NETO1: variants seen among roughly 807,000 people sequenced by gnomAD.
NETO1 encodes the protein neuropilin and tolloid like 1, also known as neuropilin and tolloid-like protein 1.
NETO1 carries 26 observed loss-of-function variants against 61.3 expected under a neutral mutation model. The ratio of observed to expected loss-of-function variants is 0.42; its 90% CI spans 0.31 to 0.59. The LOEUF (loss-of-function observed/expected upper bound fraction) is 0.59, where lower values mean the gene tolerates loss of function less well. Ranked by LOEUF, NETO1 falls within the 20% of genes least tolerant of loss-of-function variation. The pLI is 0.12. For synonymous variants in NETO1, 225 were observed against 225.8 expected (o/e 1.00, Z 0.03); for missense variants, 531 against 662.8 (o/e 0.80, Z 2.18).
At chr18:72,838,726 C>T (rs960805647) in intron 4 of NETO1, among the ~76,000 whole-genome samples, 5 of 152,140 alleles carry the variant, frequency 3.3e-5, no homozygotes, top group African/African-American at 4.8e-5. Flanking sequence ...GATAAAAATG[C>T]TTCTACTCTA....
intron 4 of NETO1, among the ~76,000 whole-genome samples, chr18:72,828,149 C>G (rs1337376433): frequency 6.6e-6 from 1 of 152,112 alleles, no homozygotes; most frequent in Non-Finnish European, 1.5e-5. Context: ...CCCGTCTCTA[C>G]TAAATACAAA....
At chr18:72,865,430 TTAAGGAAC>T (rs2074705929) in intron 1 of NETO1, 189 bp from the exon 2 acceptor site, 1 of 1,158,098 alleles carries the variant, frequency 8.6e-7, no homozygotes, top group Admixed American at 2.4e-5. Context: ...TGGGACTCCC[TTAAGGAAC>T]TAATGCAAGT....
chr18:72,792,395 G>A (rs954135263), intron 6 of NETO1, among the ~76,000 whole-genome samples: 5 of 152,016 alleles, frequency 3.3e-5, no homozygotes, highest in Admixed American at 1.3e-4. Context: ...CTCCAGCCTG[G>A]GAGACAGAAT....
At chr18:72,867,122 A>G (rs2074762543) in intron 1 of NETO1, 142 bp downstream of exon 1, 1 of 595,346 alleles carries the variant, frequency 1.7e-6, no homozygotes. Flanking sequence ...CAATACAGAA[A>G]GTTTACGTCG....
Position 72,858,822 on chromosome 18 carries a change from T to A in NETO1, c.469+4A>T, listed in dbSNP as rs751467219. Reference sequence around the variant, plus strand: ...AGAAATTTTTTTTTTAAGTACTTACTTACCAGGTGTGAAATTGTATCGAGC... The same window carrying A: ...AGAAATTTTTTTTTTAAGTACTTACATACCAGGTGTGAAATTGTATCGAGC... On this transcript the variant is annotated splice_donor_region_variant and intron_variant, in intron 4 of 10. Transcript: ENST00000327305. 4 of 1,599,018 alleles carry A rather than the reference T, an allele frequency of 2.5e-6. No homozygotes were observed. The highest frequency in any genetic ancestry group is 4.5e-5 in the East Asian group (2 of 44,734).
At chr18:72,779,803 A>G (rs2071676385) in intron 7 of NETO1, among the ~76,000 whole-genome samples, 2 of 152,226 alleles carry the variant, frequency 1.3e-5, no homozygotes, top group Non-Finnish European at 2.9e-5. Flanking sequence ...ACAGCAAACT[A>G]CAATAAATTA....
intron 6 of NETO1, among the ~76,000 whole-genome samples, chr18:72,784,670 G>C (rs2071854499): frequency 6.6e-6 from 1 of 152,160 alleles, no homozygotes; most frequent in Non-Finnish European, 1.5e-5. Context: ...TCACTTCCTA[G>C]TCCATAATTC....
At chr18:72,760,181 T>A (rs184987503) in intron 7 of NETO1, among the ~76,000 whole-genome samples, 1 of 152,214 alleles carries the variant, frequency 6.6e-6, no homozygotes, top group Non-Finnish European at 1.5e-5. Flanking sequence ...TTTCTATTAA[T>A]GAAGCAAAAT....
chr18:72,779,913 C>G (rs2071681204), intron 7 of NETO1, among the ~76,000 whole-genome samples: 1 of 152,106 alleles, frequency 6.6e-6, no homozygotes, highest in Non-Finnish European at 1.5e-5. Flanking sequence ...TAGGGCCCAT[C>G]TCCTGGTTCA....
At position 72,750,326 on chromosome 18, in the gene NETO1, T is replaced by C. The variant is rs1599079606; in HGVS notation, c.1277A>G (p.Lys426Arg). The C allele has an allele frequency of 6.2e-7, 1 of 1,614,080 alleles. No homozygotes were observed. Among genetic ancestry groups the C allele is most frequent in the South Asian group, 1.1e-5 (1 of 91,064 alleles). Residue 426 changes from lysine to arginine, a missense_variant, in exon 9 of 11, where the codon AAA becomes AGA. Physicochemically the swap from Lys to Arg is conservative, Grantham distance 26. Transcript: ENST00000327305. ...TCCACAGTGATGGTCATGAATGCATTTGGAAGATGACCTCCGCAGTTTATG... is the reference window on the plus strand; with the variant it reads ...TCCACAGTGATGGTCATGAATGCATCTGGAAGATGACCTCCGCAGTTTATG... Reference protein sequence around the residue: ...NYHKLRRSSSKCIHDHHCGSQ... With the variant: ...NYHKLRRSSSRCIHDHHCGSQ...
At chr18:72,757,491 ACCT>A (rs1244224340) in intron 7 of NETO1, among the ~76,000 whole-genome samples, 1 of 151,632 alleles carries the variant, frequency 6.6e-6, no homozygotes, top group Non-Finnish European at 1.5e-5. Context: ...TTCATCCCCT[ACCT>A]CCTCCCCCAA....
chr18:72,776,841 C>T (rs8093218), intron 7 of NETO1, among the ~76,000 whole-genome samples: 149,935 of 152,314 alleles, frequency 0.98, 73,851 homozygotes, highest in East Asian at 1. Context: ...CCTTCTCACA[C>T]ACAAAATATA....
At chr18:72,799,271 G>A (rs780675337) in intron 4 of NETO1, among the ~76,000 whole-genome samples, 2 of 152,182 alleles carry the variant, frequency 1.3e-5, no homozygotes, top group Non-Finnish European at 2.9e-5. Flanking sequence ...TAGGATTAAT[G>A]AGTCACCATG....
In NETO1 at chr18:72,800,935, ACT is replaced by A. The variant is rs571119560; in HGVS notation, c.470-6533_470-6532del. On this transcript the variant is annotated intron_variant, in intron 4 of 10. Transcript: ENST00000327305. ...TCACAGTAAATGTATCACATTAGAC[ACT>A]CTATTAGAGAGCAGCCTCATGTTTA... is the stretch of plus-strand genomic sequence containing the variant. Among the ~76,000 whole-genome samples, 527 of 152,194 alleles carry A rather than the reference ACT, an allele frequency of 3.5e-3. 5 individuals are homozygous for A. Among genetic ancestry groups the A allele is most frequent in the African/African-American group, 0.012 (498 of 41,504 alleles).
At chr18:72,762,848 A>G (rs2071023607) in intron 7 of NETO1, among the ~76,000 whole-genome samples, 1 of 152,218 alleles carries the variant, frequency 6.6e-6, no homozygotes, top group African/African-American at 2.4e-5. Flanking sequence ...AAATAAGCAA[A>G]TTATGTAGCA....
At chr18:72,763,629 C>T (rs772822128) in intron 7 of NETO1, among the ~76,000 whole-genome samples, 1 of 152,004 alleles carries the variant, frequency 6.6e-6, no homozygotes, top group Non-Finnish European at 1.5e-5. Context: ...CACACACTCA[C>T]ACATTCAAAC....
At chr18:72,833,406 G>A (rs1240825200) in intron 4 of NETO1, among the ~76,000 whole-genome samples, 4 of 152,060 alleles carry the variant, frequency 2.6e-5, no homozygotes, top group Non-Finnish European at 5.9e-5. Context: ...TCTCCAGTAT[G>A]ACCCCAAATG....
intron 6 of NETO1, among the ~76,000 whole-genome samples, chr18:72,793,321 G>A (rs1229178629): frequency 6.6e-6 from 1 of 152,080 alleles, no homozygotes; most frequent in African/African-American, 2.4e-5. Context: ...TGTGACACCT[G>A]CTGGCACAAA....
chr18:72,760,938 T>C (rs2070950452), intron 7 of NETO1, among the ~76,000 whole-genome samples: 1 of 152,168 alleles, frequency 6.6e-6, no homozygotes, highest in Non-Finnish European at 1.5e-5. Flanking sequence ...ATGTGATAGA[T>C]CTTTAAAAAC....
Sources: gnomAD v4.1 joint callset for allele counts (sites outside exome capture counted in the v4.1 genomes callset) on GRCh38, gnomAD v4.1.1 for gene constraint, MANE v1.5 for transcripts, NCBI Gene and HGNC (gene_info 2026-07-23, HGNC 2026-07-21) for gene names.